KCNMA1: variants seen among roughly 807,000 people sequenced by gnomAD.
The protein encoded by KCNMA1 is potassium calcium-activated channel subfamily M alpha 1.
A neutral mutation model predicts 140.0 loss-of-function variants in KCNMA1; 29 were observed. The ratio of observed to expected loss-of-function variants is 0.21; its 90% CI spans 0.15 to 0.28. The LOEUF is 0.28. Among genes scored for constraint, KCNMA1 ranks in the 10% least tolerant of loss-of-function variants. The pLI is 1.00. For synonymous variants in KCNMA1, 612 were observed against 611.9 expected, an observed-to-expected ratio of 1.00 and a Z score of 0.00; for missense variants, 880 against 1,602.2, an observed-to-expected ratio of 0.55 and a Z score of 7.70.
intron 1 of KCNMA1, among the ~76,000 whole-genome samples, chr10:77,523,907 T>C (rs2054544764): frequency 6.6e-6 from 1 of 152,166 alleles, no homozygotes; most frequent in Non-Finnish European, 1.5e-5. Context: ...CTATAGTCAA[T>C]AATAACTTAA....
intron 20 of KCNMA1, among the ~76,000 whole-genome samples, chr10:76,961,828 C>T (rs2071597064): frequency 6.6e-6 from 1 of 152,166 alleles, no homozygotes; most frequent in Non-Finnish European, 1.5e-5. Flanking sequence ...TATGTACACA[C>T]TTAATAGACT....
chr10:77,041,666 C>T (rs2094703095), intron 14 of KCNMA1, among the ~76,000 whole-genome samples: 1 of 152,168 alleles, frequency 6.6e-6, no homozygotes, highest in Non-Finnish European at 1.5e-5. Context: ...GCTATGGGAG[C>T]TTAGGGATCT....
At chr10:77,430,136 C>G (rs1198969229) in intron 1 of KCNMA1, among the ~76,000 whole-genome samples, 1 of 152,142 alleles carries the variant, frequency 6.6e-6, no homozygotes, top group Non-Finnish European at 1.5e-5. Context: ...CTCTTTGTTC[C>G]TAAACAGATT....
chr10:77,478,824 A>T (rs1187606755), intron 1 of KCNMA1, among the ~76,000 whole-genome samples: 1 of 152,228 alleles, frequency 6.6e-6, no homozygotes, highest in East Asian at 1.9e-4. Context: ...AAAAAAGAGG[A>T]AAAAGTAAAG....
At chr10:77,455,363 C>G (rs2097742911) in intron 1 of KCNMA1, among the ~76,000 whole-genome samples, 1 of 152,198 alleles carries the variant, frequency 6.6e-6, no homozygotes, top group African/African-American at 2.4e-5. Flanking sequence ...GTCTCATTCA[C>G]TGCAATCACA....
intron 1 of KCNMA1, chr10:77,636,348 G>T (rs1220884010): frequency 1.3e-6 from 2 of 1,529,444 alleles, no homozygotes; most frequent in African/African-American, 1.4e-5. Context: ...CGAAGGTGTC[G>T]CCAGCCTCAG....
At chr10:77,029,640 A>T (rs1332448756) in intron 15 of KCNMA1, among the ~76,000 whole-genome samples, 5 of 152,194 alleles carry the variant, frequency 3.3e-5, no homozygotes, top group Non-Finnish European at 7.3e-5. Context: ...TAAGAATATA[A>T]AGAGTAACTC....
chr10:77,143,103 A>G (rs1402924703), intron 5 of KCNMA1, among the ~76,000 whole-genome samples: 1 of 152,194 alleles, frequency 6.6e-6, no homozygotes, highest in Admixed American at 6.5e-5. Flanking sequence ...GAAACCTAAT[A>G]AGAGTATTAT....
intron 3 of KCNMA1, among the ~76,000 whole-genome samples, chr10:77,211,225 A>G (rs2045953031): frequency 6.6e-6 from 1 of 152,182 alleles, no homozygotes; most frequent in Admixed American, 6.5e-5. Context: ...TACAGTAACC[A>G]AAACAGCATG....
chr10:77,125,784 T>C (rs2616642), intron 5 of KCNMA1, among the ~76,000 whole-genome samples: 132,440 of 152,218 alleles, frequency 0.87, 57,596 homozygotes, highest in East Asian at 0.92. Context: ...TAAATCCTTG[T>C]TTGAACTGAA....
rs779701749 is a variant in KCNMA1 at position 77,366,527 on chromosome 10, C to T, written c.540+37335G>A. ...TTTGGAGTCATTATTATTTTTGTTA[C>T]ACCACACAAATTGCAATAACATTAA... is the stretch of plus-strand genomic sequence containing the variant. On this transcript the variant is annotated intron_variant, in intron 2 of 27. Coordinates refer to ENST00000286628, the MANE Select transcript of KCNMA1 (RefSeq NM_001161352.2). Among the ~76,000 whole-genome samples, 5 of 152,212 alleles carry T rather than the reference C, an allele frequency of 3.3e-5. No individual in the cohort carries two copies. The South Asian group carries it at 8.3e-4, about 25-fold the overall frequency.
At chr10:77,439,147 GAAAAGAGAAGAGAAGAAAAGAA>G (rs1384585296) in intron 1 of KCNMA1, among the ~76,000 whole-genome samples, 124 of 105,390 alleles carry the variant, frequency 1.2e-3, no homozygotes, top group Middle Eastern at 4.7e-3. Flanking sequence ...GAAGAGAAGA[GAAAAGAGAAGAGAAGAAAAGAA>G]AAGAGAAGAG....
At chr10:77,181,030 C>T (rs1218256468) in intron 5 of KCNMA1, among the ~76,000 whole-genome samples, 2 of 152,134 alleles carry the variant, frequency 1.3e-5, no homozygotes, top group East Asian at 3.9e-4. Context: ...AAGCTGGGCT[C>T]CACACTTTTA....
rs145569053 is a variant in KCNMA1, at chr10:77,263,866, C to A, written c.541-12610G>T. Among the ~76,000 whole-genome samples, 9 of 152,250 alleles carry A rather than the reference C, an allele frequency of 5.9e-5. No individual in the cohort carries two copies. In the East Asian group the frequency reaches 1.5e-3, roughly 26 times the overall value. ...GCTTGCTAAGAATGATACTAGCATG[C>A]CTCTTTGTTAAGACTTTCAGTGGGT... On this transcript the variant is annotated intron_variant, in intron 2 of 27. Coordinates refer to ENST00000286628, the MANE Select transcript of KCNMA1 (RefSeq NM_001161352.2).
intron 2 of KCNMA1, among the ~76,000 whole-genome samples, chr10:77,295,100 C>T (rs1451391080): frequency 6.6e-6 from 1 of 152,064 alleles, no homozygotes; most frequent in Non-Finnish European, 1.5e-5. Flanking sequence ...GTAATCCCAG[C>T]ACTTTGGGAA....
intron 1 of KCNMA1, among the ~76,000 whole-genome samples, chr10:77,413,011 T>C (rs931243711): frequency 1.3e-5 from 2 of 151,870 alleles, no homozygotes; most frequent in Admixed American, 6.6e-5. Context: ...GCGTGTGTCA[T>C]CATACCCGGC....
intron 23 of KCNMA1, among the ~76,000 whole-genome samples, chr10:76,941,051 AAGAG>A (rs368394305): frequency 1.6e-5 from 1 of 62,906 alleles, no homozygotes; most frequent in African/African-American, 6.2e-5. Context: ...GAAAGAAAGA[AAGAG>A]AAAGAAAGAA....
intron 2 of KCNMA1, 41 bp from the exon 3 acceptor site, chr10:77,251,297 C>T (rs2059614692): frequency 1.3e-6 from 2 of 1,543,028 alleles, no homozygotes; most frequent in Non-Finnish European, 9.0e-7. Flanking sequence ...AAGAGTTGGA[C>T]CTCAGGATGT....
chr10:77,009,056 G>A (rs2090033569), intron 18 of KCNMA1, among the ~76,000 whole-genome samples: 1 of 152,156 alleles, frequency 6.6e-6, no homozygotes, highest in South Asian at 2.1e-4. Context: ...ATTAGTAGGA[G>A]CAATATTCAG....
Sources: allele counts gnomAD v4.1 joint callset (sites outside exome capture counted in the v4.1 genomes callset), GRCh38; gene constraint gnomAD v4.1.1; transcripts MANE v1.5; gene names NCBI Gene and HGNC (gene_info 2026-07-23, HGNC 2026-07-21).